The following DHRSX variants were observed in gnomAD, a reference collection of about 807,000 sequenced individuals.
DHRSX encodes the protein dehydrogenase/reductase X-linked.
DHRSX carries 31 observed loss-of-function variants against 34.0 expected under a neutral mutation model. The ratio of observed to expected loss-of-function variants is 0.91; its 90% CI spans 0.69 to 1.23. The LOEUF (loss-of-function observed/expected upper bound fraction) is 1.23. DHRSX is among the 50% of genes most tolerant of loss of function. The pLI is 0.00. For synonymous variants in DHRSX, 201 were observed against 183.8 expected, an observed-to-expected ratio of 1.09 and a Z score of -0.76; for missense variants, 414 against 428.1, an observed-to-expected ratio of 0.97 and a Z score of 0.29.
At chrX:2,397,403 G>T (rs1366633093) in intron 3 of DHRSX, among the ~76,000 whole-genome samples, 1 of 152,174 alleles carries the variant, frequency 6.6e-6, no homozygotes, top group Non-Finnish European at 1.5e-5. Flanking sequence ...CAAAGTGCTG[G>T]AATTCCAAGC....
rs753883611 is a variant in DHRSX, at chrX:2,283,406, G to A, written c.388+8096C>T. 9.0e-4 allele frequency among the ~76,000 whole-genome samples: 137 copies of A among 152,196 alleles called. 1 individual carries two copies. The highest frequency in any genetic ancestry group is 3.1e-3 in the African/African-American group (129 of 41,528). On this transcript the variant is annotated intron_variant, in intron 4 of 6. Transcript: ENST00000334651. ...TGGAAGAGAAGCAAACAGAAGGCAC[G>A]CAGAATAAATGGTCTACACCTGTGC...
At chrX:2,433,237 T>A (rs1470670217) in intron 1 of DHRSX, among the ~76,000 whole-genome samples, 1 of 152,048 alleles carries the variant, frequency 6.6e-6, no homozygotes, top group African/African-American at 2.4e-5. Context: ...TTTTCAGATA[T>A]CTAAAAAGTT....
At chrX:2,306,069 A>G (rs760680776) in intron 3 of DHRSX, among the ~76,000 whole-genome samples, 1 of 152,212 alleles carries the variant, frequency 6.6e-6, no homozygotes, top group East Asian at 1.9e-4. Context: ...ACCACGGCAC[A>G]TGTTTATCTA....
chrX:2,482,822 C>T (rs1187894764), intron 1 of DHRSX, among the ~76,000 whole-genome samples: 2 of 152,072 alleles, frequency 1.3e-5, no homozygotes, highest in African/African-American at 2.4e-5. Context: ...AGGGTAAGAA[C>T]GCACAAGCTA....
chrX:2,489,952 G>C (rs141687518), intron 1 of DHRSX: 1 of 1,613,900 alleles, frequency 6.2e-7, no homozygotes, highest in South Asian at 1.1e-5. Context: ...TGCCCCACTC[G>C]ATGAAGACCT....
chrX:2,496,232 C>T (rs150555248), intron 1 of DHRSX, among the ~76,000 whole-genome samples: 6,466 of 151,924 alleles, frequency 0.043, 443 homozygotes, highest in African/African-American at 0.15. Context: ...GGAGTCTCGC[C>T]CTGTTGCCCA....
chrX:2,435,821 G>A (rs2043983974), intron 1 of DHRSX, among the ~76,000 whole-genome samples: 1 of 152,126 alleles, frequency 6.6e-6, no homozygotes, highest in African/African-American at 2.4e-5. Flanking sequence ...TACGCCATAT[G>A]ATATTTCATT....
chrX:2,284,618 C>A (rs747989716), intron 4 of DHRSX, among the ~76,000 whole-genome samples: 22 of 152,242 alleles, frequency 1.4e-4, no homozygotes, highest in Admixed American at 1.2e-3. Flanking sequence ...AGATGGCTGA[C>A]AAGGATAAAT....
intron 3 of DHRSX, among the ~76,000 whole-genome samples, chrX:2,318,051 G>T (rs1200318524): frequency 2.0e-5 from 3 of 152,094 alleles, no homozygotes; most frequent in Non-Finnish European, 4.4e-5. Context: ...AGTGTCTGAA[G>T]ATAGTCCTGA....
intron 3 of DHRSX, among the ~76,000 whole-genome samples, chrX:2,323,476 T>A (rs2124535613): frequency 6.6e-6 from 1 of 152,118 alleles, no homozygotes; most frequent in Admixed American, 6.6e-5. Context: ...ATAGATATGT[T>A]TTTTGGCCAG....
At chrX:2,454,250 G>A (rs2044265814) in intron 1 of DHRSX, among the ~76,000 whole-genome samples, 1 of 152,070 alleles carries the variant, frequency 6.6e-6, no homozygotes, top group Non-Finnish European at 1.5e-5. Flanking sequence ...CACTGGGCCG[G>A]GCGCTGTGAC....
chrX:2,264,302 C>T (rs1240024565), intron 5 of DHRSX, among the ~76,000 whole-genome samples: 1 of 151,466 alleles, frequency 6.6e-6, no homozygotes. Context: ...CTCTACCCAG[C>T]AGACTCAGGG....
chrX:2,457,630 C>T (rs186332575), intron 1 of DHRSX, among the ~76,000 whole-genome samples: 1 of 150,844 alleles, frequency 6.6e-6, no homozygotes, highest in African/African-American at 2.4e-5. Flanking sequence ...AAGAATGCCG[C>T]AAAAGAACCG....
At chrX:2,399,100 C>T (rs992082684) in intron 3 of DHRSX, among the ~76,000 whole-genome samples, 2 of 149,010 alleles carry the variant, frequency 1.3e-5, no homozygotes, top group African/African-American at 5.0e-5. Flanking sequence ...GTGATCTGCC[C>T]GCCTCGGCCA....
At chrX:2,482,814 G>A (rs931857160) in intron 1 of DHRSX, among the ~76,000 whole-genome samples, 1 of 152,032 alleles carries the variant, frequency 6.6e-6, no homozygotes, top group Non-Finnish European at 1.5e-5. Context: ...AACACCCCAG[G>A]GTAAGAACGC....
intron 5 of DHRSX, among the ~76,000 whole-genome samples, chrX:2,264,438 T>C (rs185140454): frequency 0.016 from 2,321 of 141,752 alleles, 27 homozygotes; most frequent in Admixed American, 0.029. Context: ...CAGGGAGCAC[T>C]GTGCCCAGAG....
At chrX:2,276,862 G>GA (rs1569483100) in intron 4 of DHRSX, among the ~76,000 whole-genome samples, 25 of 60,844 alleles carry the variant, frequency 4.1e-4, no homozygotes, top group Non-Finnish European at 7.4e-4. Flanking sequence ...GCAAACGAGA[G>GA]GGAGAGAGAA....
chrX:2,290,751 G>A (rs933868761), intron 4 of DHRSX, among the ~76,000 whole-genome samples: 2 of 152,164 alleles, frequency 1.3e-5, no homozygotes, highest in East Asian at 1.9e-4. Context: ...GTGTATTTCT[G>A]AGACCTTTAG....
chrX:2,458,859 G>A (rs138360301), intron 1 of DHRSX, among the ~76,000 whole-genome samples: 4,152 of 151,782 alleles, frequency 0.027, 86 homozygotes, highest in Admixed American at 0.052. Context: ...GAAAAAATTA[G>A]CTAGATATGG....
Sources: allele counts gnomAD v4.1 joint callset (sites outside exome capture counted in the v4.1 genomes callset), GRCh38; gene constraint gnomAD v4.1.1; transcripts MANE v1.5; gene names NCBI Gene and HGNC (gene_info 2026-07-23, HGNC 2026-07-21).